Variants in COL4A1 observed in about 807,000 individuals in gnomAD.
COL4A1 encodes collagen type IV alpha 1 chain.
In COL4A1, 40 loss-of-function variants were observed where a neutral mutation model predicts 216.6. That is an observed-to-expected ratio of 0.18 (90% CI 0.14 to 0.24). The LOEUF is 0.24. Ranked by LOEUF, COL4A1 falls within the 10% of genes least tolerant of loss-of-function variation. COL4A1 has a pLI of 1.00. For synonymous variants in COL4A1, 839 were observed against 810.7 expected (o/e 1.03, Z -0.59); for missense variants, 1,628 against 2,196.8 (o/e 0.74, Z 5.18).
At chr13:110,279,086 C>A (rs1476092434) in intron 1 of COL4A1, among the ~76,000 whole-genome samples, 2 of 152,172 alleles carry the variant, frequency 1.3e-5, no homozygotes, top group Non-Finnish European at 2.9e-5. Flanking sequence ...GAGTCGGCCA[C>A]AGGTGCTCTC....
chr13:110,170,910 A>C (rs1343838979), intron 41 of COL4A1, among the ~76,000 whole-genome samples, 178 bp from the exon 42 acceptor site: 3 of 152,194 alleles, frequency 2.0e-5, no homozygotes, highest in Non-Finnish European at 4.4e-5. Context: ...TCTCTTTAAT[A>C]ACACACTAGA....
At chr13:110,228,026 C>T (rs1880824485) in intron 2 of COL4A1, among the ~76,000 whole-genome samples, 1 of 152,138 alleles carries the variant, frequency 6.6e-6, no homozygotes, top group Non-Finnish European at 1.5e-5. Flanking sequence ...GAACGTCACC[C>T]TCGCTGGGCA....
At chr13:110,293,188 G>C (rs1478902187) in intron 1 of COL4A1, among the ~76,000 whole-genome samples, 2 of 152,222 alleles carry the variant, frequency 1.3e-5, no homozygotes, top group East Asian at 3.9e-4. Flanking sequence ...AATTAGCAAA[G>C]TCCCAAAGCT....
At chr13:110,228,432 C>T (rs767729537) in intron 2 of COL4A1, among the ~76,000 whole-genome samples, 3 of 152,134 alleles carry the variant, frequency 2.0e-5, no homozygotes, top group Non-Finnish European at 4.4e-5. Context: ...TCTGGCCCGT[C>T]GCACCCAGCA....
chr13:110,303,285 CAT>C (rs1884564697), intron 1 of COL4A1, among the ~76,000 whole-genome samples: 1 of 152,100 alleles, frequency 6.6e-6, no homozygotes, highest in Non-Finnish European at 1.5e-5. Context: ...ACTTTCCAAA[CAT>C]CCCCTGCCTG....
At chr13:110,304,565 C>T (rs769376306) in intron 1 of COL4A1, among the ~76,000 whole-genome samples, 10 of 152,180 alleles carry the variant, frequency 6.6e-5, no homozygotes, top group South Asian at 2.1e-4. Flanking sequence ...ACTGCTGGCA[C>T]GTGTTTGTCT....
Position 110,178,975 on chromosome 13 carries a change from G to T in COL4A1, c.2406C>A (p.Gly802=), listed in dbSNP as rs562915813. The T allele has an allele frequency of 6.2e-7, 1 of 1,612,190 alleles. No homozygotes were observed. Among genetic ancestry groups the T allele is most frequent in the Non-Finnish European group, 8.5e-7 (1 of 1,179,654 alleles). ...CAGGGGGACCCCTAGCTCCAGGGGGGCCTATTCCTGGAACTCCTGGAGACC... is the reference window on the plus strand; with the variant it reads ...CAGGGGGACCCCTAGCTCCAGGGGGTCCTATTCCTGGAACTCCTGGAGACC... ...SVGSPGVPGI[G]PPGARGPPGG... The change falls in exon 31 of 52, where the codon GGC becomes GGA. Residue 802 remains glycine, a synonymous_variant. Transcript: ENST00000375820.
intron 2 of COL4A1, among the ~76,000 whole-genome samples, chr13:110,218,994 C>T (rs574823921): frequency 5.3e-4 from 81 of 152,320 alleles, no homozygotes; most frequent in Admixed American, 3.5e-3. Context: ...TTGAGCCCAA[C>T]CACCATCAGA....
chr13:110,219,718 ATATATG>A (rs1880309566), intron 2 of COL4A1, among the ~76,000 whole-genome samples: 1 of 142,580 alleles, frequency 7.0e-6, no homozygotes, highest in South Asian at 2.1e-4. Context: ...ATATGTGTAT[ATATATG>A]TGTGTATATA....
At chr13:110,287,679 C>T (rs532975473) in intron 1 of COL4A1, among the ~76,000 whole-genome samples, 6 of 152,196 alleles carry the variant, frequency 3.9e-5, no homozygotes, top group South Asian at 2.1e-4. Flanking sequence ...CTTGCCTGGG[C>T]GGCTGTCTGG....
intron 2 of COL4A1, among the ~76,000 whole-genome samples, chr13:110,234,652 C>T (rs536375920): frequency 4.6e-5 from 7 of 152,206 alleles, no homozygotes; most frequent in East Asian, 1.9e-4. Flanking sequence ...GCAGCACCCA[C>T]GGAAGGTCCA....
At chr13:110,229,551 C>T (rs569630474) in intron 2 of COL4A1, among the ~76,000 whole-genome samples, 5 of 152,294 alleles carry the variant, frequency 3.3e-5, no homozygotes, top group South Asian at 2.1e-4. Flanking sequence ...GTCCATGCCC[C>T]GCCCCAAATT....
chr13:110,229,503 C>A (rs960690841), intron 2 of COL4A1, among the ~76,000 whole-genome samples: 1 of 152,308 alleles, frequency 6.6e-6, no homozygotes. Context: ...CTGTACGTGT[C>A]CTGCATCCCA....
At position 110,174,023 on chromosome 13, in the gene COL4A1, C is replaced by T; in HGVS notation, c.3407-25G>A. The T allele has an allele frequency of 2.5e-6, 4 of 1,612,732 alleles. No individual in the cohort carries two copies. In the South Asian group the frequency reaches 3.3e-5, roughly 13 times the overall value. On this transcript the variant is annotated intron_variant, in intron 39 of 51. Coordinates refer to ENST00000375820, the MANE Select transcript of COL4A1 (RefSeq NM_001845.6). The stretch of plus-strand genomic sequence containing the variant: ...CCTCAAAGAGAAAAGTCACATCAGA[C>T]ACCCGCATAACCTCTCACAGCACCC...
At chr13:110,292,340 T>A (rs1003228236) in intron 1 of COL4A1, among the ~76,000 whole-genome samples, 1 of 152,206 alleles carries the variant, frequency 6.6e-6, no homozygotes, top group Admixed American at 6.5e-5. Context: ...AAAATTTGCA[T>A]ATCATCTCAA....
intron 1 of COL4A1, among the ~76,000 whole-genome samples, chr13:110,246,523 T>C (rs614282): frequency 0.63 from 95,749 of 152,130 alleles, 30,857 homozygotes; most frequent in East Asian, 0.91. Flanking sequence ...CACAATTTCA[T>C]TGGTGACCTG....
At chr13:110,153,875 A>G (rs1363110387) in intron 50 of COL4A1, among the ~76,000 whole-genome samples, 1 of 152,208 alleles carries the variant, frequency 6.6e-6, no homozygotes, top group African/African-American at 2.4e-5. Flanking sequence ...GGAAATGGCA[A>G]TGGTGGGCGC....
rs75711155 is a variant in COL4A1 at position 110,201,527 on chromosome 13, A to G, written c.1000-5T>C. ...CAAAGGTCCTGTGCCTATAACCTGA[A>G]TCGAGAAGGAAAAGGTGATCATCCC... On this transcript the variant is annotated splice_region_variant and splice_polypyrimidine_tract_variant and intron_variant, in intron 18 of 51. Coordinates refer to ENST00000375820, the MANE Select transcript of COL4A1 (RefSeq NM_001845.6). 2 of 1,613,796 alleles carry G rather than the reference A, an allele frequency of 1.2e-6. No individual in the cohort carries two copies. The highest frequency in any genetic ancestry group is 2.2e-5 in the East Asian group (1 of 44,880).
intron 45 of COL4A1, among the ~76,000 whole-genome samples, chr13:110,165,871 C>T (rs902019107): frequency 1.3e-5 from 2 of 152,086 alleles, no homozygotes; most frequent in South Asian, 4.1e-4. Flanking sequence ...GAATGCACTC[C>T]GTCTCTAAGT....
Sources: allele counts gnomAD v4.1 joint callset (sites outside exome capture counted in the v4.1 genomes callset), GRCh38; gene constraint gnomAD v4.1.1; transcripts MANE v1.5; gene names NCBI Gene and HGNC (gene_info 2026-07-23, HGNC 2026-07-21).